The following ATP2B1 variants were observed in gnomAD, a reference collection of about 807,000 sequenced individuals.
The protein encoded by ATP2B1 is ATPase plasma membrane Ca2+ transporting 1.
A neutral mutation model predicts 124.2 loss-of-function variants in ATP2B1; 14 were observed. The observed-to-expected ratio is 0.11, with a 90% CI of 0.07 to 0.18. ATP2B1 has a LOEUF of 0.18. Among genes scored for constraint, ATP2B1 ranks in the 10% least tolerant of loss-of-function variants. The probability of loss-of-function intolerance (pLI) is 1.00; values close to 1 mark genes in which losing one functional copy is unlikely to be tolerated. For missense variants in ATP2B1, 763 were observed against 1,466.1 expected, an observed-to-expected ratio of 0.52 and a Z score of 7.83; for synonymous variants, 449 against 492.4, an observed-to-expected ratio of 0.91 and a Z score of 1.17.
chr12:89,661,414 T>C (rs931837203), intron 1 of ATP2B1, among the ~76,000 whole-genome samples: 6 of 152,206 alleles, frequency 3.9e-5, no homozygotes, highest in Non-Finnish European at 8.8e-5. Context: ...TCAAATCCAA[T>C]AGTTCATTTT....
chr12:89,648,888 C>G (rs1884866339), intron 2 of ATP2B1, among the ~76,000 whole-genome samples: 1 of 152,234 alleles, frequency 6.6e-6, no homozygotes, highest in Admixed American at 6.5e-5. Flanking sequence ...AGCCTCTGCT[C>G]AAAGGGGCCC....
intron 1 of ATP2B1, among the ~76,000 whole-genome samples, chr12:89,691,542 T>C (rs1338326334): frequency 6.6e-6 from 1 of 152,186 alleles, no homozygotes; most frequent in South Asian, 2.1e-4. Flanking sequence ...ATGTACCACA[T>C]AATTTATCCT....
chr12:89,636,203 G>A (rs2037373), intron 3 of ATP2B1, among the ~76,000 whole-genome samples: 1 of 151,930 alleles, frequency 6.6e-6, no homozygotes, highest in East Asian at 1.9e-4. Flanking sequence ...ATAGAGATCA[G>A]AAAAGGATGT....
chr12:89,597,554 T>C (rs1319930357), intron 20 of ATP2B1, among the ~76,000 whole-genome samples: 3 of 152,088 alleles, frequency 2.0e-5, no homozygotes, highest in Non-Finnish European at 4.4e-5. Flanking sequence ...AAGTGGAAAG[T>C]CTGCACTGTT....
At chr12:89,686,006 T>G (rs1356897702) in intron 1 of ATP2B1, among the ~76,000 whole-genome samples, 2 of 152,136 alleles carry the variant, frequency 1.3e-5, no homozygotes, top group Non-Finnish European at 2.9e-5. Flanking sequence ...AAATTTCTGT[T>G]GTTTAAGCCA....
rs780645755 is a variant in ATP2B1, at chr12:89,603,728, A to G, written c.2832T>C (p.Phe944=). Residue 944 remains phenylalanine (F), a synonymous_variant, in exon 17 of 21, where the codon TTT becomes TTC. Coordinates refer to ENST00000428670, the MANE Select transcript of ATP2B1 (RefSeq NM_001366521.1). The surrounding 1 kb of genome is among the most constrained non-coding windows in gnomAD (Gnocchi z 4.3). ...GHAFYQLVVV[F]TLLFAGEKFF... is the part of the protein sequence containing the mutation. ...AATTCTTACCAGCAAATAAGAGTGT[A>G]AAGACTACTACAAGTTGATAGAATG... The G allele has an allele frequency of 2.5e-6, 4 of 1,613,368 alleles. No individual in the cohort carries two copies. In the African/African-American group the frequency reaches 4.0e-5, roughly 16 times the overall value.
At chr12:89,615,278 A>ATTACACC (rs1355829892) in intron 12 of ATP2B1, among the ~76,000 whole-genome samples, 1 of 152,142 alleles carries the variant, frequency 6.6e-6, no homozygotes, top group Non-Finnish European at 1.5e-5. Context: ...ACTTTATTTC[A>ATTACACC]TTACACCGTG....
At chr12:89,669,851 C>T (rs1285573193) in intron 1 of ATP2B1, among the ~76,000 whole-genome samples, 1 of 151,968 alleles carries the variant, frequency 6.6e-6, no homozygotes, top group Non-Finnish European at 1.5e-5. Context: ...ATATTCAGTT[C>T]AGTATATGAA....
rs904406582 is a variant in ATP2B1 at position 89,588,462 on chromosome 12, T to A, written c.*2522A>T. 1 of 152,560 alleles carries A rather than the reference T, an allele frequency of 6.6e-6. No individual in the cohort carries two copies. The highest frequency in any genetic ancestry group is 2.4e-5 in the African/African-American group (1 of 41,438). 9.5% of individuals were successfully genotyped at this position (152,560 alleles called of 1,614,324 possible). ...CATTTGGGATGCAAAATTAAACAAT[T>A]TTTTGGTTAGAGGATAAAAGAGAAA... On this transcript the variant is annotated 3_prime_UTR_variant, in exon 21 of 21. Coordinates refer to ENST00000428670, the MANE Select transcript of ATP2B1 (RefSeq NM_001366521.1).
chr12:89,691,798 T>C, intron 1 of ATP2B1, among the ~76,000 whole-genome samples: 1 of 152,156 alleles, frequency 6.6e-6, no homozygotes, highest in Middle Eastern at 3.2e-3. Flanking sequence ...CCTTTTTCCA[T>C]GTTGAGTCTA....
intron 18 of ATP2B1, 34 bp from the exon 19 acceptor site, chr12:89,601,467 T>C (rs771882359): frequency 7.3e-7 from 1 of 1,376,194 alleles, no homozygotes; most frequent in South Asian, 1.4e-5. Context: ...TTTACTTAAA[T>C]CTTAAATTTT....
At chr12:89,696,169 A>G (rs1231023133) in intron 1 of ATP2B1, among the ~76,000 whole-genome samples, 1 of 152,228 alleles carries the variant, frequency 6.6e-6, no homozygotes, top group East Asian at 1.9e-4. Context: ...AGTGCTATGG[A>G]AATTTGGAAA....
chr12:89,619,902 T>C lies in ATP2B1; in HGVS notation c.1829+97A>G, dbSNP rs1592759766. 22 of 1,473,314 alleles carry C rather than the reference T, an allele frequency of 1.5e-5. No individual in the cohort carries two copies. The East Asian group carries it at 4.8e-4, about 32-fold the overall frequency. The allele number at this position is 1,473,314 out of a possible 1,614,324, so 91.3% of individuals were successfully genotyped here. On this transcript the variant is annotated intron_variant, in intron 11 of 20. Transcript: ENST00000428670. ...AAACTCTGAGGTCCTATCAAATGCC[T>C]GATGTTCACAAAAAGACAACAACAA...
chr12:89,608,221 T>C (rs1330903347), intron 15 of ATP2B1, among the ~76,000 whole-genome samples: 1 of 152,184 alleles, frequency 6.6e-6, no homozygotes, highest in African/African-American at 2.4e-5. Flanking sequence ...TAGGCTGGAG[T>C]GCAGTGGTGC....
chr12:89,645,027 A>T (rs1401479624), intron 2 of ATP2B1, among the ~76,000 whole-genome samples: 2 of 152,204 alleles, frequency 1.3e-5, no homozygotes, highest in Non-Finnish European at 2.9e-5. Context: ...CAATAAAACT[A>T]TCTGGTATAG....
chr12:89,590,391 T>C lies in ATP2B1; in HGVS notation c.*593A>G, dbSNP rs1873337537. ...ACAAGGTAAATTGTAGGCAAAAATTTAGTACAGTTTCAATAGAAACACCCC... is the reference window on the plus strand; with the variant it reads ...ACAAGGTAAATTGTAGGCAAAAATTCAGTACAGTTTCAATAGAAACACCCC... On this transcript the variant is annotated 3_prime_UTR_variant, in exon 21 of 21. Transcript: ENST00000428670. 6.6e-6 allele frequency: 1 copy of C among 152,320 alleles called. No homozygotes were observed. Among genetic ancestry groups the C allele is most frequent in the South Asian group, 2.1e-4 (1 of 4,822 alleles). The allele number at this position is 152,320 out of a possible 1,614,324, so 9.4% of individuals were successfully genotyped here.
chr12:89,591,117 G>GT lies in ATP2B1; in HGVS notation c.3529_3530insA (p.Ser1177TyrfsTer11). ...TTTGTTGGGAGAGGGTGGAGGACTG[G>GT]AGTTACGTTTTGTAGGAGCATCATC... On this transcript the variant is annotated frameshift_variant, in exon 21 of 21. Coordinates refer to ENST00000428670, the MANE Select transcript of ATP2B1 (RefSeq NM_001366521.1). LOFTEE classifies it high-confidence loss of function. 1 of 1,613,238 alleles carries GT rather than the reference G, an allele frequency of 6.2e-7. No individual in the cohort carries two copies.
At chr12:89,642,437 T>G (rs1592835321) in intron 2 of ATP2B1, 82 bp from the exon 3 acceptor site, 1 of 1,307,020 alleles carries the variant, frequency 7.7e-7, no homozygotes, top group East Asian at 2.3e-5. Context: ...ATACCTCAAC[T>G]CATCACTCTA....
At chr12:89,609,883 C>T in intron 15 of ATP2B1, 54 bp downstream of exon 15, 1 of 1,525,238 alleles carries the variant, frequency 6.6e-7, no homozygotes, top group South Asian at 1.1e-5. Flanking sequence ...AACAAACAAA[C>T]AAACAAACCA....
Sources: gnomAD v4.1 joint callset for allele counts (sites outside exome capture counted in the v4.1 genomes callset) on GRCh38, gnomAD v4.1.1 for gene constraint, Gnocchi (gnomAD v3.1) non-coding constraint, MANE v1.5 for transcripts, NCBI Gene and HGNC (gene_info 2026-07-23, HGNC 2026-07-21) for gene names.